The following FOXO1 variants were observed in gnomAD, a reference collection of about 807,000 sequenced individuals.
FOXO1 encodes the protein forkhead box protein O1.
A neutral mutation model predicts 44.1 loss-of-function variants in FOXO1; 6 were observed. That is an observed-to-expected ratio of 0.14 (90% CI 0.07 to 0.27). The LOEUF (loss-of-function observed/expected upper bound fraction) is 0.27, where lower values mean the gene tolerates loss of function less well. Ranked by LOEUF, FOXO1 falls within the 10% of genes least tolerant of loss-of-function variation. FOXO1 has a pLI of 1.00. For missense variants in FOXO1, 737 were observed against 888.8 expected (o/e 0.83, Z 2.17); for synonymous variants, 380 against 362.7 (o/e 1.05, Z -0.54).
chr13:40,664,905 G>A (rs1878172205), intron 1 of FOXO1, among the ~76,000 whole-genome samples: 1 of 151,814 alleles, frequency 6.6e-6, no homozygotes, highest in Non-Finnish European at 1.5e-5. Flanking sequence ...CCGGCGCTCC[G>A]CAGGCGGTGG....
rs899092289 is a variant in FOXO1, at chr13:40,666,031, G to A, written c.182C>T (p.Ala61Val). 29 of 1,286,224 alleles carry A rather than the reference G, an allele frequency of 2.3e-5. No individual in the cohort carries two copies. Among genetic ancestry groups the A allele is most frequent in the Admixed American group, 4.2e-5 (1 of 23,708 alleles). The allele number at this position is 1,286,224 out of a possible 1,614,324, so 79.7% of individuals were successfully genotyped here. A position where few individuals can be genotyped will look rare whatever the true frequency, so the allele number is the denominator to read the frequency against. The change falls in exon 1 of 3, where the codon GCC (alanine) becomes GTC (valine). Residue 61 changes from alanine (A) to valine (V), a missense_variant. By Grantham distance (64) the Ala-to-Val change is moderately conservative. This residue lies in a region of FOXO1 where 213 missense variants were observed against 236.4 expected (regional missense o/e 0.90). Coordinates refer to ENST00000379561, the MANE Select transcript of FOXO1 (RefSeq NM_002015.4). The part of the protein sequence containing the change: ...NPDAAAGLPS[A>V]SAAAVSADFM... ...GTCGGCGCTGACAGCGGCAGCCGAG[G>A]CCGAGGGCAGGCCCGCCGCGGCGTC...
At position 40,556,303 on chromosome 13, in the gene FOXO1, CTT is replaced by C. The variant is rs973138152; in HGVS notation, c.*2744_*2745del. 2 of 152,620 alleles carry C rather than the reference CTT, an allele frequency of 1.3e-5. No individual in the cohort carries two copies. Among genetic ancestry groups the C allele is most frequent in the African/African-American group, 4.8e-5 (2 of 41,440 alleles). The allele number at this position is 152,620 out of a possible 1,614,324, so 9.5% of individuals were successfully genotyped here. A position where few individuals can be genotyped will look rare whatever the true frequency, so the allele number is the denominator to read the frequency against. The stretch of plus-strand genomic sequence containing the variant: ...ACTGGGATACATGTGCTCATTTAGA[CTT>C]TGTCAGTTTGTCAAAGCAGAACTTT... On this transcript the variant is annotated 3_prime_UTR_variant, in exon 3 of 3. Coordinates refer to ENST00000379561, the MANE Select transcript of FOXO1 (RefSeq NM_002015.4).
intron 1 of FOXO1, among the ~76,000 whole-genome samples, chr13:40,654,657 T>C (rs557124764): frequency 2.0e-5 from 3 of 152,252 alleles, no homozygotes; most frequent in South Asian, 4.1e-4. Context: ...GCCTGGAAAT[T>C]TCTATATGTG....
intron 1 of FOXO1, among the ~76,000 whole-genome samples, chr13:40,656,207 T>C (rs1333795076): frequency 6.6e-6 from 1 of 152,190 alleles, no homozygotes; most frequent in Non-Finnish European, 1.5e-5. Flanking sequence ...TGCATTTGGG[T>C]TAGTGGGAAG....
chr13:40,559,750 C>T lies in FOXO1; in HGVS notation c.1741G>A (p.Val581Met), dbSNP rs755827604. 2.7e-5 allele frequency: 44 copies of T among 1,613,100 alleles called. No individual in the cohort carries two copies. In the Middle Eastern group the frequency reaches 8.2e-4, roughly 30 times the overall value. The change falls in exon 2 of 3, where the codon GTG (valine) becomes ATG (methionine). Residue 581 changes from valine to methionine, a missense_variant. Transcript: ENST00000379561. ...CTGCCATAGCCATTGCAGCTGCTCACGGAGGAGTAGCCCCCCAGGGCACTC... is the reference window on the plus strand; with the variant it reads ...CTGCCATAGCCATTGCAGCTGCTCATGGAGGAGTAGCCCCCCAGGGCACTC... ...QMSALGGYSS[V>M]SSCNGYGRMG...
intron 1 of FOXO1, among the ~76,000 whole-genome samples, chr13:40,573,032 G>T (rs541288125): frequency 6.6e-6 from 1 of 151,236 alleles, no homozygotes; most frequent in African/African-American, 2.5e-5. Flanking sequence ...GACTCCTCCT[G>T]GCCCTCCTCA....
intron 1 of FOXO1, among the ~76,000 whole-genome samples, chr13:40,618,024 C>A (rs1876484822): frequency 6.6e-6 from 1 of 152,230 alleles, no homozygotes; most frequent in Non-Finnish European, 1.5e-5. Context: ...TTGCCAAAAT[C>A]ACATCATCTG....
chr13:40,666,184 A>C lies in FOXO1; in HGVS notation c.29T>G (p.Ile10Ser). The change falls in exon 1 of 3, where the codon ATC becomes AGC. Residue 10 changes from isoleucine (I) to serine (S), a missense_variant. Transcript: ENST00000379561. MAEAPQVVE[I>S]DPDFEPLPRP... ...GGGCAGCGGCTCGAAGTCCGGGTCGATCTCCACCACCTGAGGCGCCTCGGC... is the reference window on the plus strand; with the variant it reads ...GGGCAGCGGCTCGAAGTCCGGGTCGCTCTCCACCACCTGAGGCGCCTCGGC... 6.9e-7 allele frequency: 1 copy of C among 1,453,580 alleles called. No individual in the cohort carries two copies. The highest frequency in any genetic ancestry group is 1.5e-5 in the African/African-American group (1 of 67,614). The allele number at this position is 1,453,580 out of a possible 1,614,324, so 90.0% of individuals were successfully genotyped here.
At position 40,557,826 on chromosome 13, in the gene FOXO1, G is replaced by C. The variant is rs1873815590; in HGVS notation, c.*1223C>G. 6.6e-6 allele frequency: 1 copy of C among 152,186 alleles called. No homozygotes were observed. The highest frequency in any genetic ancestry group is 2.4e-5 in the African/African-American group (1 of 41,446). 9.4% of individuals were successfully genotyped at this position (152,186 alleles called of 1,614,324 possible). A position where few individuals can be genotyped will look rare whatever the true frequency, so the allele number is the denominator to read the frequency against. On this transcript the variant is annotated 3_prime_UTR_variant, in exon 3 of 3. Transcript: ENST00000379561. Reference sequence around the variant, plus strand: ...CTTTAGATGCAGATCTCCCTTTTCTGATCTACAAACATTATGAGGCCTCCC... The same window carrying C: ...CTTTAGATGCAGATCTCCCTTTTCTCATCTACAAACATTATGAGGCCTCCC...
At chr13:40,570,527 T>C (rs1427777291) in intron 1 of FOXO1, among the ~76,000 whole-genome samples, 1 of 152,192 alleles carries the variant, frequency 6.6e-6, no homozygotes, top group Admixed American at 6.5e-5. Context: ...TGATCTTTAT[T>C]AGCCAAAGGT....
intron 1 of FOXO1, among the ~76,000 whole-genome samples, chr13:40,624,485 G>A (rs1410854306): frequency 6.6e-6 from 1 of 152,088 alleles, no homozygotes; most frequent in African/African-American, 2.4e-5. Flanking sequence ...TATAACATGT[G>A]TTGTAAGTGA....
chr13:40,621,163 T>C, intron 1 of FOXO1: 1 of 512,544 alleles, frequency 2.0e-6, no homozygotes, highest in Non-Finnish European at 3.6e-6. Context: ...CATAACAGTA[T>C]TGATAGTGAA....
At chr13:40,602,148 A>T (rs1280460934) in intron 1 of FOXO1, among the ~76,000 whole-genome samples, 1 of 152,196 alleles carries the variant, frequency 6.6e-6, no homozygotes, top group Non-Finnish European at 1.5e-5. Flanking sequence ...TTAAGTAGCC[A>T]ATCTATGCCT....
intron 1 of FOXO1, among the ~76,000 whole-genome samples, chr13:40,663,155 G>A (rs566407176): frequency 5.3e-5 from 8 of 151,782 alleles, no homozygotes; most frequent in Non-Finnish European, 1.2e-4. Context: ...AGCTGCCCAA[G>A]GGCCTCCAAT....
intron 1 of FOXO1, among the ~76,000 whole-genome samples, chr13:40,580,992 G>C (rs1874935222): frequency 6.6e-6 from 1 of 152,216 alleles, no homozygotes; most frequent in African/African-American, 2.4e-5. Flanking sequence ...GGCCTTCTTG[G>C]GTTATGGTCA....
chr13:40,557,007 T>C lies in FOXO1; in HGVS notation c.*2042A>G, dbSNP rs1256122032. The stretch of plus-strand genomic sequence containing the variant: ...CTGCCCCAAAATGAGGATGATAGAG[T>C]GGTGGCTGTTCAATGAATCTTCAAA... On this transcript the variant is annotated 3_prime_UTR_variant, in exon 3 of 3. Transcript: ENST00000379561. 6.6e-6 allele frequency: 1 copy of C among 151,904 alleles called. No homozygotes were observed. Among genetic ancestry groups the C allele is most frequent in the African/African-American group, 2.4e-5 (1 of 41,300 alleles). 9.4% of individuals were successfully genotyped at this position (151,904 alleles called of 1,614,324 possible).
chr13:40,570,003 T>C (rs1159601544), intron 1 of FOXO1, among the ~76,000 whole-genome samples: 1 of 152,026 alleles, frequency 6.6e-6, no homozygotes, highest in African/African-American at 2.4e-5. Flanking sequence ...ATTTACTTTA[T>C]GGAAAACAAA....
intron 1 of FOXO1, among the ~76,000 whole-genome samples, chr13:40,567,696 G>A (rs1337328384): frequency 5.3e-5 from 8 of 152,124 alleles, no homozygotes; most frequent in South Asian, 2.1e-4. Flanking sequence ...GTGGGCGGGC[G>A]TGGTGGCTCA....
intron 1 of FOXO1, among the ~76,000 whole-genome samples, chr13:40,646,750 C>T (rs1877524305): frequency 1.3e-5 from 2 of 152,114 alleles, no homozygotes; most frequent in Non-Finnish European, 2.9e-5. Context: ...TGTGCCACCA[C>T]GCCCAGCTAA....
Sources: allele counts gnomAD v4.1 joint callset (sites outside exome capture counted in the v4.1 genomes callset), GRCh38; gene constraint gnomAD v4.1.1; regional missense constraint gnomAD v4.1.1; transcripts MANE v1.5; gene names NCBI Gene and HGNC (gene_info 2026-07-23, HGNC 2026-07-21).